The following AFF3 variants were observed in gnomAD, a reference collection of about 807,000 sequenced individuals.
AFF3 encodes ALF transcription elongation factor 3, also known as AF4/FMR2 family member 3.
In AFF3, 32 loss-of-function variants were observed where a neutral mutation model predicts 129.7. That is an observed-to-expected ratio of 0.25 (90% CI 0.19 to 0.33). The LOEUF is 0.33. Among genes scored for constraint, AFF3 ranks in the 10% least tolerant of loss-of-function variants. AFF3 has a pLI of 1.00. For synonymous variants in AFF3, 644 were observed against 635.4 expected (o/e 1.01, Z -0.20); for missense variants, 1,373 against 1,592.0 (o/e 0.86, Z 2.34).
At chr2:99,650,775 T>A (rs1021735172) in intron 12 of AFF3, among the ~76,000 whole-genome samples, 2 of 148,874 alleles carry the variant, frequency 1.3e-5, no homozygotes, top group Admixed American at 1.3e-4. Flanking sequence ...TGTTTTTTGT[T>A]TTTTTCTTCT....
intron 10 of AFF3, among the ~76,000 whole-genome samples, chr2:99,736,672 C>A (rs1017141141): frequency 3.4e-5 from 5 of 145,236 alleles, no homozygotes; most frequent in Non-Finnish European, 5.9e-5. Context: ...TGCAGTGGCA[C>A]AATCTTGGCT....
intron 1 of AFF3, among the ~76,000 whole-genome samples, chr2:100,138,944 C>CA (rs34526914): frequency 0.52 from 62,673 of 120,248 alleles, 16,883 homozygotes; most frequent in Admixed American, 0.58. Flanking sequence ...GACTCTGTCT[C>CA]AAAAAAAAAA....
intron 11 of AFF3, among the ~76,000 whole-genome samples, chr2:99,695,271 C>T (rs971361070): frequency 3.3e-5 from 5 of 152,156 alleles, no homozygotes; most frequent in Admixed American, 2.0e-4. Flanking sequence ...CACCAGTGGC[C>T]CTGGCTGGGC....
At chr2:99,680,630 C>T (rs1278438561) in intron 11 of AFF3, among the ~76,000 whole-genome samples, 3 of 152,126 alleles carry the variant, frequency 2.0e-5, no homozygotes, top group Non-Finnish European at 4.4e-5. Context: ...AGTTAGCTGC[C>T]TATTCTGTTT....
At chr2:99,969,020 G>T (rs1464870555) in intron 7 of AFF3, among the ~76,000 whole-genome samples, 1 of 152,210 alleles carries the variant, frequency 6.6e-6, no homozygotes, top group African/African-American at 2.4e-5. Context: ...AGGCTCTGGA[G>T]TCGGGCGGAA....
chr2:100,000,590 T>C (rs1182490148), intron 7 of AFF3, among the ~76,000 whole-genome samples: 1 of 152,208 alleles, frequency 6.6e-6, no homozygotes, highest in Non-Finnish European at 1.5e-5. Context: ...TGTTTGCTTT[T>C]GTTTCAAAGG....
chr2:99,977,219 T>C lies in AFF3; in HGVS notation c.873+29413A>G, dbSNP rs555640945. Reference sequence around the variant, plus strand: ...AGGCGTGTGAATCTATGGGTTTGACTGGCATGTCAGAAGCTAGAATGCCAG... The same window carrying C: ...AGGCGTGTGAATCTATGGGTTTGACCGGCATGTCAGAAGCTAGAATGCCAG... On this transcript the variant is annotated intron_variant, in intron 7 of 24. Coordinates refer to ENST00000672756, the MANE Select transcript of AFF3 (RefSeq NM_001386135.1). Among the ~76,000 whole-genome samples, 5 of 152,328 alleles carry C rather than the reference T, an allele frequency of 3.3e-5. No individual in the cohort carries two copies. In the East Asian group the frequency reaches 9.6e-4, roughly 29 times the overall value.
At chr2:99,705,329 A>G (rs1195101109) in intron 11 of AFF3, among the ~76,000 whole-genome samples, 1 of 152,050 alleles carries the variant, frequency 6.6e-6, no homozygotes, top group African/African-American at 2.4e-5. Context: ...AAAATATGGA[A>G]ATGTTATAAG....
In AFF3 at chr2:99,764,822, G is replaced by C. The variant is rs920275744; in HGVS notation, c.922-12521C>G. On this transcript the variant is annotated intron_variant, in intron 8 of 24. Coordinates refer to ENST00000672756, the MANE Select transcript of AFF3 (RefSeq NM_001386135.1). ...CACGGAGTCCCTGCTGCAATATACAGACACCTGCTAGTTTCTGGCACTCCT... is the reference window on the plus strand; with the variant it reads ...CACGGAGTCCCTGCTGCAATATACACACACCTGCTAGTTTCTGGCACTCCT... Among the ~76,000 whole-genome samples the C allele has an allele frequency of 4.6e-5, 7 of 152,222 alleles. No homozygotes were observed. The East Asian group carries it at 1.2e-3, about 25-fold the overall frequency.
At chr2:99,655,610 A>G (rs1685678726) in intron 12 of AFF3, among the ~76,000 whole-genome samples, 1 of 152,180 alleles carries the variant, frequency 6.6e-6, no homozygotes, top group Non-Finnish European at 1.5e-5. Context: ...TTTAGACATC[A>G]AGTGAAGTAT....
At chr2:99,600,053 T>C (rs896792516) in intron 14 of AFF3, among the ~76,000 whole-genome samples, 2 of 152,192 alleles carry the variant, frequency 1.3e-5, no homozygotes, top group Non-Finnish European at 2.9e-5. Context: ...AATAATAATT[T>C]AGTTTCTGGG....
At chr2:99,616,198 T>C (rs1681410647) in intron 13 of AFF3, among the ~76,000 whole-genome samples, 2 of 152,194 alleles carry the variant, frequency 1.3e-5, no homozygotes, top group South Asian at 4.1e-4. Context: ...CTGCCACCCA[T>C]GCACTTATTT....
chr2:99,771,727 CTG>C (rs1683507355), intron 8 of AFF3, among the ~76,000 whole-genome samples: 4 of 152,116 alleles, frequency 2.6e-5, no homozygotes, highest in Non-Finnish European at 5.9e-5. Flanking sequence ...CCACAGGAAA[CTG>C]TGGAATCTGG....
intron 1 of AFF3, among the ~76,000 whole-genome samples, chr2:100,138,968 A>T (rs1020495687): frequency 1.4e-5 from 2 of 145,602 alleles, no homozygotes; most frequent in African/African-American, 5.1e-5. Flanking sequence ...AAAAGACACC[A>T]CTAAATGGGA....
intron 13 of AFF3, among the ~76,000 whole-genome samples, chr2:99,623,116 T>C (rs1558658571): frequency 6.6e-6 from 1 of 151,822 alleles, no homozygotes; most frequent in Non-Finnish European, 1.5e-5. Flanking sequence ...CAAAATGCAT[T>C]TGGGACCTCC....
chr2:99,866,157 C>T (rs1691381087), intron 7 of AFF3, among the ~76,000 whole-genome samples: 1 of 152,154 alleles, frequency 6.6e-6, no homozygotes, highest in African/African-American at 2.4e-5. Context: ...AGCTCCCCAC[C>T]TCAGAGAGGT....
intron 2 of AFF3, among the ~76,000 whole-genome samples, chr2:100,124,462 G>T (rs1436673692): frequency 6.6e-6 from 1 of 152,194 alleles, no homozygotes; most frequent in African/African-American, 2.4e-5. Context: ...CAGAAAGAAA[G>T]ATCTCAGAAA....
At chr2:100,011,484 C>T (rs750208000) in intron 4 of AFF3, 3 of 780,922 alleles carry the variant, frequency 3.8e-6, no homozygotes, top group Admixed American at 1.7e-5. Flanking sequence ...GGCCCCCATG[C>T]CCAAAATAAT....
chr2:99,715,425 A>G (rs17351403), intron 11 of AFF3, among the ~76,000 whole-genome samples: 3,590 of 152,292 alleles, frequency 0.024, 55 homozygotes, highest in Non-Finnish European at 0.03. Context: ...TTTAGTGCCT[A>G]TTACGAAACA....
Sources: gnomAD v4.1 joint callset for allele counts (sites outside exome capture counted in the v4.1 genomes callset) on GRCh38, gnomAD v4.1.1 for gene constraint, MANE v1.5 for transcripts, NCBI Gene and HGNC (gene_info 2026-07-23, HGNC 2026-07-21) for gene names.